Variants in ITGB4 observed in about 807,000 individuals in gnomAD.
The protein encoded by ITGB4 is integrin subunit beta 4, also known as integrin beta-4.
Under a neutral mutation model 207.6 loss-of-function variants are expected in ITGB4, and 159 were observed. The ratio of observed to expected loss-of-function variants is 0.77; its 90% CI spans 0.67 to 0.87. The LOEUF (loss-of-function observed/expected upper bound fraction) is 0.87. ITGB4 is among the 40% of genes least tolerant of loss of function. The probability of loss-of-function intolerance (pLI) is 0.00; values close to 1 mark genes in which losing one functional copy is unlikely to be tolerated. For missense variants in ITGB4, 2,278 were observed against 2,546.8 expected (o/e 0.89, Z 2.27); for synonymous variants, 1,020 against 1,062.7 (o/e 0.96, Z 0.78).
chr17:75,756,738 A>G lies in ITGB4; in HGVS notation c.4932A>G (p.Pro1644=), dbSNP rs368991974. ...TCACTTTGAGCACTCCCAGTGCCCC[A>G]GGCCCGCTGGTGTTCACTGCCCTGA... ...SAFTLSTPSA[P]GPLVFTALSP... The change falls in exon 37 of 40, where the codon CCA becomes CCG. Residue 1644 remains proline, a synonymous_variant. Coordinates refer to ENST00000200181, the MANE Select transcript of ITGB4 (RefSeq NM_000213.5). The G allele has an allele frequency of 5.4e-5, 87 of 1,613,022 alleles. 4 individuals carry two copies. The highest frequency in any genetic ancestry group is 3.1e-4 in the East Asian group (14 of 44,864).
In ITGB4 at chr17:75,731,208, C is replaced by G; in HGVS notation, c.1093-38C>G. On this transcript the variant is annotated intron_variant, in intron 9 of 39. Coordinates refer to ENST00000200181, the MANE Select transcript of ITGB4 (RefSeq NM_000213.5). This position sits in a 1 kb window ranked among gnomAD's most constrained non-coding sequence, Gnocchi z 6.8. ...GGAGGTTGGGGTGGAGCACAGAGGC[C>G]CCCCACAGAGCACTGATCAACCTCC... 6.2e-7 allele frequency: 1 copy of G among 1,612,974 alleles called. No individual in the cohort carries two copies.
chr17:75,737,557 C>G lies in ITGB4; in HGVS notation c.2133C>G (p.Phe711Leu). ...HKKKDCPPGS[F>L]WWLIPLLLLL... ...CTCCAGACTGCCCTCCGGGCTCCTT[C>G]TGGTGGCTCATCCCCCTGCTCCTCC... is the stretch of plus-strand genomic sequence containing the variant. The change falls in exon 18 of 40, where the codon TTC becomes TTG. Residue 711 changes from phenylalanine (F) to leucine (L), a missense_variant. Coordinates refer to ENST00000200181, the MANE Select transcript of ITGB4 (RefSeq NM_000213.5). 6.3e-7 allele frequency: 1 copy of G among 1,589,694 alleles called. No homozygotes were observed. The highest frequency in any genetic ancestry group is 1.1e-5 in the South Asian group (1 of 88,002).
chr17:75,737,373 C>A lies in ITGB4; in HGVS notation c.2042C>A (p.Thr681Asn), dbSNP rs758297864. Residue 681 changes from threonine (T) to asparagine (N), a missense_variant, in exon 17 of 40, where the codon ACC becomes AAC. By Grantham distance (65) the Thr-to-Asn change is moderately conservative. Transcript: ENST00000200181. ...TTCCGGGACGAGGATGACGACTGCA[C>A]CTACAGCTACACCATGGAAGGTGAC... ...CSFRDEDDDC[T>N]YSYTMEGDGA... 9 of 1,583,354 alleles carry A rather than the reference C, an allele frequency of 5.7e-6. No homozygotes were observed. The African/African-American group carries it at 1.2e-4, about 21-fold the overall frequency.
At chr17:75,723,160 C>T (rs2060650190) in intron 1 of ITGB4, among the ~76,000 whole-genome samples, 1 of 152,190 alleles carries the variant, frequency 6.6e-6, no homozygotes, top group South Asian at 2.1e-4. Context: ...CTGTCCTGGC[C>T]CTCCCAGTGC....
intron 33 of ITGB4, 135 bp downstream of exon 33, chr17:75,754,109 A>T: frequency 2.2e-6 from 1 of 461,748 alleles, no homozygotes. Context: ...CTGGGAGCAC[A>T]GCTGCTCAGA....
Position 75,730,982 on chromosome 17 carries a change from T to A in ITGB4, c.1092+18T>A, listed in dbSNP as rs760905866. The A allele has an allele frequency of 1.9e-6, 3 of 1,607,278 alleles. No individual in the cohort carries two copies. The highest frequency in any genetic ancestry group is 3.3e-5 in the Admixed American group (2 of 59,996). On this transcript the variant is annotated intron_variant, in intron 9 of 39. Transcript: ENST00000200181. ...CCTTCAATGTGAGGGCAGCTCAGGC[T>A]CCAGAGTCTGAGCCCTTCTGGGGCA... is the stretch of plus-strand genomic sequence containing the variant.
At position 75,732,911 on chromosome 17, in the gene ITGB4, A is replaced by C. The variant is rs1267261848; in HGVS notation, c.1455-579A>C. On this transcript the variant is annotated intron_variant, in intron 12 of 39. Transcript: ENST00000200181. The surrounding 1 kb of genome is among the most constrained non-coding windows in gnomAD (Gnocchi z 5.3). The stretch of plus-strand genomic sequence containing the variant: ...AGACCAGCCTGGCCAACATGGTGAA[A>C]TCCCATCTCTACTAAAAATACAAAA... Among the ~76,000 whole-genome samples, 2 of 151,506 alleles carry C rather than the reference A, an allele frequency of 1.3e-5. No individual in the cohort carries two copies. The highest frequency in any genetic ancestry group is 4.9e-5 in the African/African-American group (2 of 41,168).
Position 75,722,757 on chromosome 17 carries a change from CTGTGTGTGTG to C in ITGB4, c.-11+1171_-11+1180del, listed in dbSNP as rs55981241. On this transcript the variant is annotated intron_variant, in intron 1 of 39. Transcript: ENST00000200181. This position sits in a 1 kb window ranked among gnomAD's most constrained non-coding sequence, Gnocchi z 6.2. ...GAGCCTGTGGGTGGGTGGGCATGGC[CTGTGTGTGTG>C]TGTGTGTGTGTGTGTGTGTGTGTGT... 4.4e-5 allele frequency among the ~76,000 whole-genome samples: 6 copies of C among 135,162 alleles called. No individual in the cohort carries two copies. Among genetic ancestry groups the C allele is most frequent in the African/African-American group, 8.4e-5 (3 of 35,908 alleles). 88.7% of individuals were successfully genotyped at this position (135,162 alleles called of 152,430 possible).
chr17:75,722,188 G>GC lies in ITGB4; in HGVS notation c.-11+580dup, dbSNP rs1389388483. The stretch of plus-strand genomic sequence containing the variant: ...CAGGCCTGCCTTCCTCCCAAAGTCA[G>GC]CCCCAGGCGCCTTCCTTCAGGAAGC... On this transcript the variant is annotated intron_variant, in intron 1 of 39. Coordinates refer to ENST00000200181, the MANE Select transcript of ITGB4 (RefSeq NM_000213.5). This position sits in a 1 kb window ranked among gnomAD's most constrained non-coding sequence, Gnocchi z 6.2. Among the ~76,000 whole-genome samples the GC allele has an allele frequency of 6.6e-6, 1 of 152,134 alleles. No individual in the cohort carries two copies. Among genetic ancestry groups the GC allele is most frequent in the Non-Finnish European group, 1.5e-5 (1 of 68,010 alleles).
rs1396755275 is a variant in ITGB4, at chr17:75,757,636, C to T, written c.*81C>T. On this transcript the variant is annotated 3_prime_UTR_variant, in exon 40 of 40. Transcript: ENST00000200181. ...CCGGAGCCTCCTCAGCTACTCCATCCTTGCACCCCTGGGGGCCCAGCCCAC... is the reference window on the plus strand; with the variant it reads ...CCGGAGCCTCCTCAGCTACTCCATCTTTGCACCCCTGGGGGCCCAGCCCAC... 6.3e-7 allele frequency: 1 copy of T among 1,583,068 alleles called. No individual in the cohort carries two copies. The highest frequency in any genetic ancestry group is 8.7e-7 in the Non-Finnish European group (1 of 1,153,748).
Position 75,727,386 on chromosome 17 carries a change from C to G in ITGB4, c.163-18C>G, listed in dbSNP as rs762968243. ...GGAATGGGTGCTGCCCCCAGTGACCCCCTGTCCTTCTGGCCAGATGTTCAG... is the reference window on the plus strand; with the variant it reads ...GGAATGGGTGCTGCCCCCAGTGACCGCCTGTCCTTCTGGCCAGATGTTCAG... On this transcript the variant is annotated intron_variant, in intron 3 of 39. Transcript: ENST00000200181. The surrounding 1 kb of genome is among the most constrained non-coding windows in gnomAD (Gnocchi z 6.0). The G allele has an allele frequency of 6.2e-7, 1 of 1,613,874 alleles. No homozygotes were observed. Among genetic ancestry groups the G allele is most frequent in the Non-Finnish European group, 8.5e-7 (1 of 1,179,866 alleles).
At chr17:75,747,277 G>A (rs934123662) in intron 26 of ITGB4, among the ~76,000 whole-genome samples, 53 of 152,132 alleles carry the variant, frequency 3.5e-4, no homozygotes, top group African/African-American at 1.2e-3. Flanking sequence ...TCAGGAGTTT[G>A]ACACCAGCCT....
Position 75,740,660 on chromosome 17 carries a change from C to A in ITGB4, c.2551-133C>A. 1.8e-6 allele frequency: 2 copies of A among 1,104,078 alleles called. No homozygotes were observed. Among genetic ancestry groups the A allele is most frequent in the Non-Finnish European group, 2.7e-6 (2 of 730,138 alleles). 68.4% of individuals were successfully genotyped at this position (1,104,078 alleles called of 1,614,324 possible). On this transcript the variant is annotated intron_variant, in intron 21 of 39. Coordinates refer to ENST00000200181, the MANE Select transcript of ITGB4 (RefSeq NM_000213.5). The surrounding 1 kb of genome is among the most constrained non-coding windows in gnomAD (Gnocchi z 5.9). ...GCCAGAGCCTGGGCCCAGGATGCTG[C>A]CCCACGGGGCATGCCCCAGCCAACC...
chr17:75,741,567 A>G (rs898583918), intron 23 of ITGB4, among the ~76,000 whole-genome samples: 2 of 152,118 alleles, frequency 1.3e-5, no homozygotes, highest in Non-Finnish European at 2.9e-5. Flanking sequence ...GCACTTTGGG[A>G]GGCTGAGGCG....
chr17:75,735,895 G>A (rs974114533), intron 13 of ITGB4, among the ~76,000 whole-genome samples, 156 bp from the exon 14 acceptor site: 1 of 152,180 alleles, frequency 6.6e-6, no homozygotes, highest in Non-Finnish European at 1.5e-5. Context: ...GAGGGAAGGA[G>A]ATTCCAGGAA....
Position 75,740,757 on chromosome 17 carries a change from C to G in ITGB4, c.2551-36C>G. ...GCCTGAGGGCTTGCCACGGGGTGGC[C>G]TAGGCCCAGCCTCACGCCCCTCCCT... is the stretch of plus-strand genomic sequence containing the variant. On this transcript the variant is annotated intron_variant, in intron 21 of 39. Transcript: ENST00000200181. This position sits in a 1 kb window ranked among gnomAD's most constrained non-coding sequence, Gnocchi z 5.9. The G allele has an allele frequency of 6.2e-7, 1 of 1,610,634 alleles. No individual in the cohort carries two copies. Among genetic ancestry groups the G allele is most frequent in the Non-Finnish European group, 8.5e-7 (1 of 1,178,652 alleles).
At chr17:75,730,081 A>G (rs1033241555) in intron 7 of ITGB4, among the ~76,000 whole-genome samples, 160 bp from the exon 8 acceptor site, 1 of 152,230 alleles carries the variant, frequency 6.6e-6, no homozygotes, top group Non-Finnish European at 1.5e-5. Context: ...TCACTCAGTC[A>G]TGTGCCGTCA....
At position 75,756,584 on chromosome 17, in the gene ITGB4, G is replaced by C; in HGVS notation, c.4864G>C (p.Val1622Leu). The part of the protein sequence containing the change: ...REGVITIESQ[V>L]HPQSPLCPLP... ...GGGTGTCATCACCATTGAATCCCAGGTGCACCCGCAGAGCCCACTGTGTCC... is the reference window on the plus strand; with the variant it reads ...GGGTGTCATCACCATTGAATCCCAGCTGCACCCGCAGAGCCCACTGTGTCC... Residue 1622 changes from valine (V) to leucine (L), a missense_variant, in exon 36 of 40, where the codon GTG becomes CTG. Transcript: ENST00000200181. 6.2e-7 allele frequency: 1 copy of C among 1,612,982 alleles called. No individual in the cohort carries two copies. Among genetic ancestry groups the C allele is most frequent in the Non-Finnish European group, 8.5e-7 (1 of 1,179,984 alleles).
At chr17:75,723,447 T>C (rs993171444) in intron 1 of ITGB4, among the ~76,000 whole-genome samples, 6 of 152,042 alleles carry the variant, frequency 3.9e-5, no homozygotes, top group Admixed American at 3.3e-4. Context: ...TTGTGTAGCA[T>C]GTGGGTGTGG....
Sources: gnomAD v4.1 joint callset for allele counts (sites outside exome capture counted in the v4.1 genomes callset) on GRCh38, gnomAD v4.1.1 for gene constraint, Gnocchi (gnomAD v3.1) non-coding constraint, MANE v1.5 for transcripts, NCBI Gene and HGNC (gene_info 2026-07-23, HGNC 2026-07-21) for gene names.